ZFAND6: variants seen among roughly 807,000 people sequenced by gnomAD.
The protein encoded by ZFAND6 is zinc finger AN1-type containing 6.
In ZFAND6, 12 loss-of-function variants were observed where a neutral mutation model predicts 24.5. That is an observed-to-expected ratio of 0.49 (90% CI 0.31 to 0.79). The LOEUF (loss-of-function observed/expected upper bound fraction) is 0.79, where lower values mean the gene tolerates loss of function less well. Among genes scored for constraint, ZFAND6 ranks in the 30% least tolerant of loss-of-function variants. The pLI is 0.04. For missense variants in ZFAND6, 207 were observed against 245.9 expected (o/e 0.84, Z 1.06); for synonymous variants, 92 against 81.5 (o/e 1.13, Z -0.69).
At chr15:80,066,684 G>C (rs1001204707) in intron 1 of ZFAND6, among the ~76,000 whole-genome samples, 1 of 151,872 alleles carries the variant, frequency 6.6e-6, no homozygotes, top group African/African-American at 2.4e-5. Context: ...ATCACTTGAT[G>C]TCAAGAGTTC....
intron 5 of ZFAND6, among the ~76,000 whole-genome samples, chr15:80,126,900 C>T (rs769975585): frequency 2.0e-5 from 3 of 151,746 alleles, no homozygotes; most frequent in Non-Finnish European, 2.9e-5. Flanking sequence ...ATCACTTGAG[C>T]TCAAGAGTTT....
intron 1 of ZFAND6, among the ~76,000 whole-genome samples, chr15:80,085,478 C>T (rs2037935826): frequency 6.6e-6 from 1 of 152,212 alleles, no homozygotes; most frequent in African/African-American, 2.4e-5. Flanking sequence ...CTCCCAAAAT[C>T]ACGACCTTAA....
chr15:80,063,267 T>C (rs1472546271), intron 1 of ZFAND6, among the ~76,000 whole-genome samples: 2 of 151,948 alleles, frequency 1.3e-5, no homozygotes, highest in Non-Finnish European at 2.9e-5. Flanking sequence ...CCAAAAACTA[T>C]TATTTCAACA....
At chr15:80,091,259 G>A (rs1285124245) in intron 1 of ZFAND6, among the ~76,000 whole-genome samples, 3 of 152,046 alleles carry the variant, frequency 2.0e-5, no homozygotes, top group Admixed American at 1.3e-4. Context: ...GAGAAGGAAG[G>A]AGGAGGATGT....
chr15:80,079,278 T>C (rs2037491842), intron 1 of ZFAND6, among the ~76,000 whole-genome samples: 1 of 152,080 alleles, frequency 6.6e-6, no homozygotes. Flanking sequence ...TGGAGTGCAG[T>C]GGCGCGATCT....
At chr15:80,112,920 C>G (rs970569002) in intron 2 of ZFAND6, 1 of 452,954 alleles carries the variant, frequency 2.2e-6, no homozygotes, top group Non-Finnish European at 4.4e-6. Flanking sequence ...ATTTTGCACT[C>G]TTCTGGGATC....
At chr15:80,065,262 T>TA (rs929575090) in intron 1 of ZFAND6, among the ~76,000 whole-genome samples, 287 of 142,130 alleles carry the variant, frequency 2.0e-3, no homozygotes, top group Middle Eastern at 3.5e-3. Context: ...TTGGCCCCAC[T>TA]AAAAAAAAAA....
At position 80,065,109 on chromosome 15, in the gene ZFAND6, A is replaced by G. The variant is rs996127258; in HGVS notation, c.-181+5300A>G. ...TTTATGGCTTCTACTTTGCTTTTATATTTAAAGGCTTCTCCTACCCAGTTA... is the reference window on the plus strand; with the variant it reads ...TTTATGGCTTCTACTTTGCTTTTATGTTTAAAGGCTTCTCCTACCCAGTTA... On this transcript the variant is annotated intron_variant, in intron 1 of 6. Transcript: ENST00000261749. Among the ~76,000 whole-genome samples the G allele has an allele frequency of 1.3e-4, 18 of 136,508 alleles. No individual in the cohort carries two copies. In the Admixed American group the frequency reaches 1.4e-3, roughly 11 times the overall value. The allele number at this position is 136,508 out of a possible 152,430, so 89.6% of individuals were successfully genotyped here. A position where few individuals can be genotyped will look rare whatever the true frequency, so the allele number is the denominator to read the frequency against.
Position 80,120,316 on chromosome 15 carries a change from T to C in ZFAND6, c.-17-12T>C, listed in dbSNP as rs2040091769. The C allele has an allele frequency of 6.7e-7, 1 of 1,498,250 alleles. No homozygotes were observed. The allele number at this position is 1,498,250 out of a possible 1,614,324, so 92.8% of individuals were successfully genotyped here. A position where few individuals can be genotyped will look rare whatever the true frequency, so the allele number is the denominator to read the frequency against. The stretch of plus-strand genomic sequence containing the variant: ...GTGTCTGAGTTCTTTGCTAATTTTA[T>C]GTAATTTTCAGGTGTGCAACTGAGG... On this transcript the variant is annotated splice_polypyrimidine_tract_variant and intron_variant, in intron 2 of 6. Transcript: ENST00000261749.
intron 2 of ZFAND6, among the ~76,000 whole-genome samples, chr15:80,106,813 C>T (rs1316999539): frequency 2.6e-5 from 4 of 152,058 alleles, no homozygotes; most frequent in African/African-American, 9.7e-5. Context: ...ACTTCAGTTT[C>T]CAGTATGTGG....
At chr15:80,087,037 A>G (rs975164289) in intron 1 of ZFAND6, among the ~76,000 whole-genome samples, 2 of 152,202 alleles carry the variant, frequency 1.3e-5, no homozygotes, top group Non-Finnish European at 2.9e-5. Context: ...ATATATACAT[A>G]CCACATTTTG....
At chr15:80,119,962 A>G (rs1236596173) in intron 2 of ZFAND6, among the ~76,000 whole-genome samples, 1 of 152,236 alleles carries the variant, frequency 6.6e-6, no homozygotes, top group African/African-American at 2.4e-5. Flanking sequence ...AATATAACAT[A>G]CATCAAAACT....
At chr15:80,062,283 A>G (rs1409009841) in intron 1 of ZFAND6, among the ~76,000 whole-genome samples, 2 of 152,194 alleles carry the variant, frequency 1.3e-5, no homozygotes, top group Admixed American at 1.3e-4. Flanking sequence ...CACACCCTTT[A>G]AGGGAAAGCA....
intron 2 of ZFAND6, among the ~76,000 whole-genome samples, chr15:80,117,145 GTTGTCT>G (rs2039912054): frequency 6.6e-6 from 1 of 152,112 alleles, no homozygotes; most frequent in African/African-American, 2.4e-5. Flanking sequence ...TCACTTGACT[GTTGTCT>G]TTGATAACAG....
At chr15:80,062,653 G>A (rs940934079) in intron 1 of ZFAND6, among the ~76,000 whole-genome samples, 8 of 152,102 alleles carry the variant, frequency 5.3e-5, no homozygotes, top group African/African-American at 1.9e-4. Flanking sequence ...CAAATATCAG[G>A]ATGCTTTGTT....
chr15:80,086,095 A>G (rs777988801), intron 1 of ZFAND6, among the ~76,000 whole-genome samples: 18 of 152,070 alleles, frequency 1.2e-4, no homozygotes, highest in South Asian at 2.1e-4. Context: ...CTGGAGTGCA[A>G]TGGCGCGATC....
intron 1 of ZFAND6, among the ~76,000 whole-genome samples, chr15:80,064,457 A>G (rs1175466719): frequency 1.3e-5 from 2 of 152,086 alleles, no homozygotes; most frequent in Non-Finnish European, 2.9e-5. Context: ...GATATTGGAC[A>G]TCTTCTAGTT....
At chr15:80,097,349 TA>T (rs1285979488) in intron 1 of ZFAND6, among the ~76,000 whole-genome samples, 1 of 152,074 alleles carries the variant, frequency 6.6e-6, no homozygotes, top group Admixed American at 6.5e-5. Context: ...TAAATTTTTT[TA>T]AAAATTAAAT....
At chr15:80,101,491 C>T (rs992833096) in intron 2 of ZFAND6, among the ~76,000 whole-genome samples, 6 of 152,010 alleles carry the variant, frequency 3.9e-5, no homozygotes, top group Admixed American at 6.6e-5. Flanking sequence ...AATCTTTACT[C>T]CCCTGCCTTC....
Sources: allele counts gnomAD v4.1 joint callset (sites outside exome capture counted in the v4.1 genomes callset), GRCh38; gene constraint gnomAD v4.1.1; transcripts MANE v1.5; gene names NCBI Gene and HGNC (gene_info 2026-07-23, HGNC 2026-07-21).